Variants in DNAJC24 observed in about 807,000 individuals in gnomAD.
DNAJC24 encodes the protein DnaJ heat shock protein family (Hsp40) member C24.
A neutral mutation model predicts 18.0 loss-of-function variants in DNAJC24; 17 were observed. That is an observed-to-expected ratio of 0.94 (90% CI 0.65 to 1.42). DNAJC24 has a LOEUF of 1.42. Among genes scored for constraint, DNAJC24 ranks in the 40% most tolerant of loss-of-function variants. DNAJC24 has a pLI of 0.00. For missense variants in DNAJC24, 158 were observed against 175.6 expected (o/e 0.90, Z 0.57); for synonymous variants, 55 against 57.7 (o/e 0.95, Z 0.21).
chr11:31,399,202 A>C (rs1952573980), intron 2 of DNAJC24, among the ~76,000 whole-genome samples: 2 of 152,194 alleles, frequency 1.3e-5, no homozygotes, highest in Admixed American at 1.3e-4. Context: ...CATATATTCA[A>C]AAGAGAAAAA....
intron 2 of DNAJC24, chr11:31,408,057 A>T: frequency 2.2e-6 from 1 of 455,664 alleles, no homozygotes; most frequent in Non-Finnish European, 4.4e-6. Context: ...GGTATCAAAT[A>T]TAAAAAAAAT....
intron 2 of DNAJC24, among the ~76,000 whole-genome samples, chr11:31,386,573 G>A (rs958101370): frequency 5.9e-5 from 9 of 152,032 alleles, no homozygotes; most frequent in African/African-American, 2.2e-4. Context: ...CTAAAGAGAT[G>A]TTGGGCCTTG....
intron 2 of DNAJC24, among the ~76,000 whole-genome samples, chr11:31,401,018 C>G (rs1360715989): frequency 6.6e-6 from 1 of 151,924 alleles, no homozygotes; most frequent in African/African-American, 2.4e-5. Flanking sequence ...CAAGGAACAT[C>G]AATAAATTTA....
In DNAJC24 at chr11:31,432,453, T is replaced by G. The variant is rs574272206; in HGVS notation, c.*2052T>G. The G allele has an allele frequency of 9.5e-5, 125 of 1,312,992 alleles. 1 individual carries two copies. The South Asian group carries it at 1.4e-3, about 15-fold the overall frequency. 81.3% of individuals were successfully genotyped at this position (1,312,992 alleles called of 1,614,324 possible). On this transcript the variant is annotated 3_prime_UTR_variant, in exon 5 of 5. Transcript: ENST00000465995. The stretch of plus-strand genomic sequence containing the variant: ...ACACGGTTTCAACGGGAGTAATAAA[T>G]TCACATGAAAAGGAGACAATAATCA...
intron 2 of DNAJC24, among the ~76,000 whole-genome samples, chr11:31,388,129 C>T (rs1952448731): frequency 6.6e-6 from 1 of 152,000 alleles, no homozygotes; most frequent in Admixed American, 6.5e-5. Context: ...AAAATAGCCT[C>T]AGTAGGGCAA....
At chr11:31,395,311 C>T (rs1952534386) in intron 2 of DNAJC24, among the ~76,000 whole-genome samples, 1 of 151,934 alleles carries the variant, frequency 6.6e-6, no homozygotes, top group African/African-American at 2.4e-5. Context: ...TAGGTTGATT[C>T]CTTGTCTTTA....
intron 3 of DNAJC24, chr11:31,416,638 A>G (rs868136299): frequency 1.4e-4 from 21 of 152,150 alleles, no homozygotes; most frequent in Non-Finnish European, 2.6e-4. Flanking sequence ...TGTACTATTA[A>G]GAACATATTA....
intron 2 of DNAJC24, among the ~76,000 whole-genome samples, chr11:31,392,214 A>G (rs1288505038): frequency 6.6e-6 from 1 of 152,186 alleles, no homozygotes; most frequent in African/African-American, 2.4e-5. Flanking sequence ...GCAGTCAACA[A>G]TAATTTATTG....
rs1952918129 is a variant in DNAJC24, at chr11:31,431,076, G to A, written c.*675G>A. 1 of 152,250 alleles carries A rather than the reference G, an allele frequency of 6.6e-6. No individual in the cohort carries two copies. The highest frequency in any genetic ancestry group is 3.4e-3 in the Middle Eastern group (1 of 298). The allele number at this position is 152,250 out of a possible 1,614,324, so 9.4% of individuals were successfully genotyped here. Reference sequence around the variant, plus strand: ...ACTCTGTCGCGCCAGCTGGAGTGCAGTGCCATGATCTCAGGTCGCTGTAAC... The same window carrying A: ...ACTCTGTCGCGCCAGCTGGAGTGCAATGCCATGATCTCAGGTCGCTGTAAC... On this transcript the variant is annotated 3_prime_UTR_variant, in exon 5 of 5. Transcript: ENST00000465995.
intron 2 of DNAJC24, among the ~76,000 whole-genome samples, chr11:31,412,206 G>T (rs752190269): frequency 2.0e-5 from 3 of 151,998 alleles, no homozygotes; most frequent in Non-Finnish European, 4.4e-5. Flanking sequence ...GTTTTATAGG[G>T]CTTTCTGGGT....
At chr11:31,397,011 A>G (rs904090614) in intron 2 of DNAJC24, among the ~76,000 whole-genome samples, 2 of 152,180 alleles carry the variant, frequency 1.3e-5, no homozygotes, top group African/African-American at 4.8e-5. Flanking sequence ...AACTCTATGC[A>G]TCCTTCAAAA....
intron 2 of DNAJC24, among the ~76,000 whole-genome samples, chr11:31,414,487 G>T (rs1292780230): frequency 6.6e-6 from 1 of 152,126 alleles, no homozygotes; most frequent in Non-Finnish European, 1.5e-5. Context: ...CTGCTTGTCT[G>T]CACGTACCTA....
chr11:31,370,070 C>G (rs1178085372), intron 1 of DNAJC24, among the ~76,000 whole-genome samples, 158 bp downstream of exon 1: 3 of 152,136 alleles, frequency 2.0e-5, no homozygotes, highest in African/African-American at 7.2e-5. Context: ...TGCCTGATTT[C>G]TGGGGCTCCT....
intron 4 of DNAJC24, 41 bp downstream of exon 4, chr11:31,426,396 A>G (rs757724931): frequency 2.6e-5 from 28 of 1,073,640 alleles, no homozygotes; most frequent in Non-Finnish European, 3.5e-5. Context: ...TAAAAAAAAA[A>G]GGAATTTTCT....
intron 2 of DNAJC24, among the ~76,000 whole-genome samples, chr11:31,388,007 T>C (rs1952446900): frequency 6.6e-6 from 1 of 151,746 alleles, no homozygotes; most frequent in Non-Finnish European, 1.5e-5. Flanking sequence ...GCAGAATTGA[T>C]CAAGCAGAAT....
At chr11:31,380,065 C>T (rs1279069519) in intron 2 of DNAJC24, among the ~76,000 whole-genome samples, 1 of 152,164 alleles carries the variant, frequency 6.6e-6, no homozygotes, top group Non-Finnish European at 1.5e-5. Flanking sequence ...CCACTGTGCC[C>T]GGCTGAAAGA....
At chr11:31,402,719 A>G (rs1421985215) in intron 2 of DNAJC24, among the ~76,000 whole-genome samples, 1 of 152,184 alleles carries the variant, frequency 6.6e-6, no homozygotes, top group African/African-American at 2.4e-5. Context: ...TACCTTGCTC[A>G]GGCTGTTCCT....
intron 2 of DNAJC24, among the ~76,000 whole-genome samples, chr11:31,410,987 T>C (rs575066824): frequency 1.8e-4 from 27 of 152,314 alleles, no homozygotes; most frequent in African/African-American, 6.3e-4. Flanking sequence ...GGTGAATGAA[T>C]GAAGTGGGAC....
intron 2 of DNAJC24, among the ~76,000 whole-genome samples, chr11:31,372,445 T>G (rs935894527): frequency 3.0e-5 from 4 of 135,088 alleles, no homozygotes; most frequent in African/African-American, 9.9e-5. Flanking sequence ...AAGGTACCTT[T>G]TGCCCCAGAA....
Sources: gnomAD v4.1 joint callset for allele counts (sites outside exome capture counted in the v4.1 genomes callset) on GRCh38, gnomAD v4.1.1 for gene constraint, MANE v1.5 for transcripts, NCBI Gene and HGNC (gene_info 2026-07-23, HGNC 2026-07-21) for gene names.